Variants in EYS observed in about 807,000 individuals in gnomAD.
EYS encodes the protein EGF-like photoreceptor maintenance factor.
Under a neutral mutation model 282.1 loss-of-function variants are expected in EYS, and 250 were observed. The ratio of observed to expected loss-of-function variants is 0.89; its 90% CI spans 0.80 to 0.98. EYS has a LOEUF of 0.98. Among genes scored for constraint, EYS ranks in the 50% least tolerant of loss-of-function variants. The probability of loss-of-function intolerance (pLI) is 0.00; values close to 1 mark genes in which losing one functional copy is unlikely to be tolerated. For missense variants in EYS, 4,016 were observed against 3,709.0 expected (o/e 1.08, Z -2.15); for synonymous variants, 1,355 against 1,282.9 (o/e 1.06, Z -1.20).
intron 31 of EYS, among the ~76,000 whole-genome samples, chr6:64,121,336 T>C (rs1179083458): frequency 1.3e-5 from 2 of 152,232 alleles, no homozygotes; most frequent in African/African-American, 4.8e-5. Flanking sequence ...CAGAAATTTG[T>C]AGAAGTATTT....
In EYS at chr6:64,604,498, G is replaced by A. The variant is rs73764884; in HGVS notation, c.3685-11189C>T. 4.3e-3 allele frequency among the ~76,000 whole-genome samples: 656 copies of A among 152,086 alleles called. 6 individuals are homozygous for A. Among genetic ancestry groups the A allele is most frequent in the African/African-American group, 0.015 (627 of 41,528 alleles). On this transcript the variant is annotated intron_variant, in intron 24 of 42. Coordinates refer to ENST00000503581, the MANE Select transcript of EYS (RefSeq NM_001142800.2). ...TTTTCCACAGAGTAGAAGCACACAA[G>A]CTCCATCTAAGTTTTATGGGGTGAC...
chr6:63,937,345 C>CTTTTTTTTTTTTTT (rs778809745), intron 35 of EYS, among the ~76,000 whole-genome samples: 7 of 54,498 alleles, frequency 1.3e-4, no homozygotes, highest in East Asian at 6.5e-4. Context: ...TCTCTCTTTT[C>CTTTTTTTTTTTTTT]TTTTTTTTTT....
chr6:63,946,213 A>G (rs1314697329), intron 35 of EYS, among the ~76,000 whole-genome samples: 1 of 152,234 alleles, frequency 6.6e-6, no homozygotes, highest in African/African-American at 2.4e-5. Context: ...GGAAGGCATT[A>G]TGCAGATGCT....
chr6:65,017,442 T>A (rs1247668847), intron 13 of EYS, among the ~76,000 whole-genome samples: 1 of 152,238 alleles, frequency 6.6e-6, no homozygotes, highest in Non-Finnish European at 1.5e-5. Context: ...TCCATGTTCA[T>A]GTATGTTCTT....
In EYS at chr6:63,798,987, G is replaced by GTGTGTATATA. The variant is rs1247104267; in HGVS notation, c.7411+7202_7411+7203insTATATACACA. Among the ~76,000 whole-genome samples the GTGTGTATATA allele has an allele frequency of 3.5e-5, 3 of 85,754 alleles. No individual in the cohort carries two copies. In the Admixed American group the frequency reaches 4.6e-4, roughly 13 times the overall value. The allele number at this position is 85,754 out of a possible 152,430, so 56.3% of individuals were successfully genotyped here. ...TGTATATATATATATGTATATGTGTGTATATATATATATATATATATATAT... is the reference window on the plus strand; with the variant it reads ...TGTATATATATATATGTATATGTGTGTGTGTATATATATATATATATATATATATATATAT... On this transcript the variant is annotated intron_variant, in intron 37 of 42. Transcript: ENST00000503581.
chr6:64,813,715 AAT>A, intron 21 of EYS, 138 bp from the exon 22 acceptor site: 2 of 522,548 alleles, frequency 3.8e-6, no homozygotes, highest in Non-Finnish European at 6.3e-6. Flanking sequence ...TGTTAATTGA[AAT>A]ATATGTTTAT....
chr6:64,131,029 G>A (rs188928322), intron 31 of EYS, among the ~76,000 whole-genome samples: 23 of 152,008 alleles, frequency 1.5e-4, no homozygotes, highest in African/African-American at 3.6e-4. Flanking sequence ...CACCATGCCC[G>A]GCTAATTTTT....
chr6:65,692,377 A>G (rs1310230167), intron 1 of EYS, among the ~76,000 whole-genome samples: 3 of 150,100 alleles, frequency 2.0e-5, no homozygotes, highest in Non-Finnish European at 3.0e-5. Context: ...ATATAATAAT[A>G]CCACACTTGT....
At chr6:64,947,137 G>A (rs1769312836) in intron 14 of EYS, among the ~76,000 whole-genome samples, 1 of 151,736 alleles carries the variant, frequency 6.6e-6, no homozygotes, top group Admixed American at 6.6e-5. Context: ...AGCACCCTAT[G>A]TTTAATTAAT....
At chr6:63,828,518 T>C (rs1771535575) in intron 36 of EYS, among the ~76,000 whole-genome samples, 1 of 152,132 alleles carries the variant, frequency 6.6e-6, no homozygotes, top group African/African-American at 2.4e-5. Flanking sequence ...AAGAATTACA[T>C]AACCTGAAGA....
rs77962969 is a variant in EYS at position 65,352,828 on chromosome 6, G to T, written c.1459+630C>A. Among the ~76,000 whole-genome samples, 20 of 151,824 alleles carry T rather than the reference G, an allele frequency of 1.3e-4. No homozygotes were observed. The East Asian group carries it at 3.9e-3, about 29-fold the overall frequency. Reference sequence around the variant, plus strand: ...ATATCTAACCCAGCATTTTAGTTCTGGCTTTACCCCCTCCATGGAATTGTT... The same window carrying T: ...ATATCTAACCCAGCATTTTAGTTCTTGCTTTACCCCCTCCATGGAATTGTT... On this transcript the variant is annotated intron_variant, in intron 9 of 42. Transcript: ENST00000503581.
At chr6:65,248,017 C>T (rs913801275) in intron 12 of EYS, among the ~76,000 whole-genome samples, 8 of 151,676 alleles carry the variant, frequency 5.3e-5, no homozygotes, top group African/African-American at 1.7e-4. Context: ...TTATAATTTC[C>T]CCTACAATTT....
intron 26 of EYS, among the ~76,000 whole-genome samples, chr6:64,575,190 A>G (rs1335485167): frequency 6.6e-6 from 1 of 152,178 alleles, no homozygotes; most frequent in African/African-American, 2.4e-5. Context: ...AATTATACAC[A>G]GAATTTTATC....
chr6:64,707,663 CAA>C (rs59172308), intron 22 of EYS, among the ~76,000 whole-genome samples: 80,845 of 100,916 alleles, frequency 0.8, 32,083 homozygotes, highest in Middle Eastern at 0.88. Flanking sequence ...AGACTCGTAT[CAA>C]AAAAAAAAAA....
chr6:64,808,451 A>C (rs1010575275), intron 22 of EYS, among the ~76,000 whole-genome samples: 1 of 152,080 alleles, frequency 6.6e-6, no homozygotes, highest in African/African-American at 2.4e-5. Flanking sequence ...AGACAACATG[A>C]GATTTATTTT....
chr6:64,951,031 A>T (rs998487328), intron 14 of EYS, among the ~76,000 whole-genome samples: 7 of 151,432 alleles, frequency 4.6e-5, no homozygotes, highest in Admixed American at 2.0e-4. Context: ...TTGAATGAAA[A>T]GAAAACACTA....
intron 31 of EYS, among the ~76,000 whole-genome samples, chr6:64,138,999 T>G (rs3003676): frequency 0.45 from 67,809 of 151,908 alleles, 17,274 homozygotes; most frequent in African/African-American, 0.7. Flanking sequence ...TCAGGCATAA[T>G]TGGGTTAATA....
intron 12 of EYS, among the ~76,000 whole-genome samples, chr6:65,214,485 G>A (rs780320841): frequency 1.3e-5 from 2 of 152,174 alleles, no homozygotes; most frequent in Non-Finnish European, 2.9e-5. Flanking sequence ...AGAAAAGTTC[G>A]AAGGTAGCAG....
chr6:63,902,924 C>T (rs1021668777), intron 35 of EYS, among the ~76,000 whole-genome samples: 1 of 152,056 alleles, frequency 6.6e-6, no homozygotes, highest in Non-Finnish European at 1.5e-5. Context: ...GGGTAATTGG[C>T]TAAGCATGAA....
Sources: allele counts gnomAD v4.1 joint callset (sites outside exome capture counted in the v4.1 genomes callset), GRCh38; gene constraint gnomAD v4.1.1; transcripts MANE v1.5; gene names NCBI Gene and HGNC (gene_info 2026-07-23, HGNC 2026-07-21).